The following NCOR2 variants were observed in gnomAD, a reference collection of about 807,000 sequenced individuals.
NCOR2 encodes nuclear receptor corepressor 2.
Under a neutral mutation model 262.9 loss-of-function variants are expected in NCOR2, and 81 were observed. The observed-to-expected ratio is 0.31, with a 90% CI of 0.26 to 0.37. The LOEUF is 0.37. NCOR2 is among the 10% of genes least tolerant of loss of function. The pLI is 1.00. For synonymous variants in NCOR2, 1,659 were observed against 1,559.3 expected (o/e 1.06, Z -1.51); for missense variants, 3,385 against 3,621.4 (o/e 0.93, Z 1.68).
intron 37 of NCOR2, among the ~76,000 whole-genome samples, chr12:124,338,443 GGTTGCA>G (rs2036079866): frequency 6.6e-6 from 1 of 151,328 alleles, no homozygotes; most frequent in Non-Finnish European, 1.5e-5. Context: ...AGGAGGTGGA[GGTTGCA>G]GTAAGCAGAG....
chr12:124,533,127 C>G (rs991817749), intron 1 of NCOR2, among the ~76,000 whole-genome samples: 2 of 150,910 alleles, frequency 1.3e-5, no homozygotes, highest in African/African-American at 4.9e-5. Context: ...AAGACAAAAC[C>G]TGGTTGTGAG....
intron 1 of NCOR2, among the ~76,000 whole-genome samples, chr12:124,554,737 G>A (rs868702024): frequency 1.3e-5 from 2 of 152,258 alleles, no homozygotes; most frequent in Non-Finnish European, 2.9e-5. Context: ...GGGAGGTGCC[G>A]CTGCGGCAAG....
intron 1 of NCOR2, among the ~76,000 whole-genome samples, chr12:124,552,315 T>G (rs901355890): frequency 2.0e-5 from 3 of 151,000 alleles, no homozygotes; most frequent in African/African-American, 4.9e-5. Context: ...CAAGACCCTG[T>G]CTCAAAAAAA....
chr12:124,402,541 C>CTGCTGCTGT (rs1337219923), exon 14 of NCOR2: 2 of 1,570,986 alleles, frequency 1.3e-6, no homozygotes, highest in African/African-American at 2.7e-5. Flanking sequence ...GCTGCTGCTG[C>CTGCTGCTGT]TGCTGCTGTT....
chr12:124,501,972 C>T (rs1242993), intron 1 of NCOR2, among the ~76,000 whole-genome samples: 90,294 of 152,146 alleles, frequency 0.59, 28,636 homozygotes, highest in South Asian at 0.73. Flanking sequence ...GCGCACAAGA[C>T]GCTGCGGAGC....
intron 7 of NCOR2, among the ~76,000 whole-genome samples, chr12:124,439,392 GAGACAGAGGGAGACAGAGACCC>G: frequency 1.3e-5 from 2 of 152,234 alleles, no homozygotes; most frequent in Admixed American, 6.5e-5. Flanking sequence ...CAGAGACCCA[GAGACAGAGGGAGACAGAGACCC>G]AGAGAGAGAG....
In NCOR2 at chr12:124,457,459, G is replaced by A. The variant is rs906836786; in HGVS notation, c.706-297C>T. Among the ~76,000 whole-genome samples the A allele has an allele frequency of 6.6e-6, 1 of 152,124 alleles. No homozygotes were observed. The highest frequency in any genetic ancestry group is 2.4e-5 in the African/African-American group (1 of 41,432). Reference sequence around the variant, plus strand: ...CAGGCGCGCAGGCCTCGCTCCCCCAGGGCCCAGCGACGTGGGCACCGCTCC... The same window carrying A: ...CAGGCGCGCAGGCCTCGCTCCCCCAAGGCCCAGCGACGTGGGCACCGCTCC... On this transcript the variant is annotated intron_variant, in intron 5 of 46. Coordinates refer to ENST00000405201, the Ensembl canonical transcript of NCOR2. The surrounding 1 kb of genome is among the most constrained non-coding windows in gnomAD (Gnocchi z 4.0).
chr12:124,479,628 A>T (rs2136762785), intron 3 of NCOR2, among the ~76,000 whole-genome samples: 1 of 152,370 alleles, frequency 6.6e-6, no homozygotes, highest in Admixed American at 6.5e-5. Flanking sequence ...GCCCCACTTC[A>T]GGGGAGTTGT....
intron 1 of NCOR2, among the ~76,000 whole-genome samples, chr12:124,541,349 A>G (rs993662780): frequency 2.6e-4 from 1 of 3,786 alleles, no homozygotes; most frequent in Non-Finnish European, 4.7e-4. Context: ...GATGGAGGGG[A>G]TGGGAAGTGG....
rs2044761891 is a variant in NCOR2, at chr12:124,440,849, C to T, written c.816-2853G>A. 6.6e-6 allele frequency among the ~76,000 whole-genome samples: 1 copy of T among 152,126 alleles called. No individual in the cohort carries two copies. Among genetic ancestry groups the T allele is most frequent in the South Asian group, 2.1e-4 (1 of 4,824 alleles). On this transcript the variant is annotated intron_variant, in intron 7 of 46. Coordinates refer to ENST00000405201, the Ensembl canonical transcript of NCOR2. This position sits in a 1 kb window ranked among gnomAD's most constrained non-coding sequence, Gnocchi z 5.7. ...CTGGGATCTACGTCATCAGAAGGAC[C>T]CGGCTCTGGGAAGATCCAGAAGGAA... is the stretch of plus-strand genomic sequence containing the variant.
In NCOR2 at chr12:124,482,023, G is replaced by A. The variant is rs185312010; in HGVS notation, c.411+1573C>T. Among the ~76,000 whole-genome samples, 6 of 152,140 alleles carry A rather than the reference G, an allele frequency of 3.9e-5. No homozygotes were observed. The highest frequency in any genetic ancestry group is 4.8e-5 in the African/African-American group (2 of 41,420). On this transcript the variant is annotated intron_variant, in intron 3 of 46. Coordinates refer to ENST00000405201, the Ensembl canonical transcript of NCOR2. This position sits in a 1 kb window ranked among gnomAD's most constrained non-coding sequence, Gnocchi z 6.3. Reference sequence around the variant, plus strand: ...GGATTTGCTGATGGACTGGAAGTACGCAGGAGAGCAGGGAGGTGGCCAGGG... The same window carrying A: ...GGATTTGCTGATGGACTGGAAGTACACAGGAGAGCAGGGAGGTGGCCAGGG...
rs550926299 is a variant in NCOR2, at chr12:124,515,923, C to A, written c.-118+19642G>T. 5.9e-5 allele frequency among the ~76,000 whole-genome samples: 9 copies of A among 152,322 alleles called. No individual in the cohort carries two copies. In the South Asian group the frequency reaches 1.9e-3, roughly 32 times the overall value. On this transcript the variant is annotated intron_variant, in intron 1 of 46. Transcript: ENST00000404621. ...GCTGACTTCTGTTCTGAACCTCACCCAGGACTCTTCTCCACCGGGTAGGAA... is the reference window on the plus strand; with the variant it reads ...GCTGACTTCTGTTCTGAACCTCACCAAGGACTCTTCTCCACCGGGTAGGAA...
At chr12:124,480,566 G>T (rs2047396741) in intron 3 of NCOR2, among the ~76,000 whole-genome samples, 1 of 152,156 alleles carries the variant, frequency 6.6e-6, no homozygotes, top group African/African-American at 2.4e-5. Context: ...TGCTTAATCT[G>T]TGCACATCCT....
intron 22 of NCOR2, 30 bp from the exon 25 acceptor site, chr12:124,356,812 G>A: frequency 6.9e-7 from 1 of 1,444,308 alleles, no homozygotes; most frequent in Non-Finnish European, 9.1e-7. Flanking sequence ...CTCTGCTGAG[G>A]GCAGGAGGTG....
rs776501885 is a variant in NCOR2 at position 124,461,639 on chromosome 12, A to G, written c.706-4477T>C. ...CACATCAAGGCGCACGCACATACAC[A>G]TGTGCACCCAAGTGAACACATGATG... On this transcript the variant is annotated intron_variant, in intron 5 of 46. Transcript: ENST00000405201. 2.6e-5 allele frequency among the ~76,000 whole-genome samples: 4 copies of G among 152,204 alleles called. No homozygotes were observed. In the South Asian group the frequency reaches 6.2e-4, roughly 24 times the overall value.
chr12:124,498,163 G>A (rs915284054), upstream of NCOR2, among the ~76,000 whole-genome samples: 2 of 152,200 alleles, frequency 1.3e-5, no homozygotes, highest in African/African-American at 4.8e-5. Flanking sequence ...ATTGCTATTG[G>A]ATTTTGAGTT....
In NCOR2 at chr12:124,547,591, C is replaced by T. The variant is rs375620049; in HGVS notation, c.-164-11980G>A. The stretch of plus-strand genomic sequence containing the variant: ...TAGGACATTCCCAGTGCTGTGCGAC[C>T]ATCACCTCTATCTAATTCCAAAACA... On this transcript the variant is annotated intron_variant, in intron 1 of 32. Coordinates refer to the NCOR2 transcript ENST00000458234. 2.0e-5 allele frequency among the ~76,000 whole-genome samples: 3 copies of T among 152,192 alleles called. No homozygotes were observed. In the South Asian group the frequency reaches 6.2e-4, roughly 31 times the overall value.
At chr12:124,477,954 G>C (rs1565979794) in intron 3 of NCOR2, among the ~76,000 whole-genome samples, 1 of 152,228 alleles carries the variant, frequency 6.6e-6, no homozygotes. Flanking sequence ...CCCTGTGCCA[G>C]CTCCAGGAAA....
chr12:124,326,269 A>G, exon 46 of NCOR2: 1 of 1,562,340 alleles, frequency 6.4e-7, no homozygotes, highest in African/African-American at 1.4e-5. Context: ...GAGTGCACTG[A>G]GGAGACAGAG....
Sources: gnomAD v4.1 joint callset for allele counts (sites outside exome capture counted in the v4.1 genomes callset) on GRCh38, gnomAD v4.1.1 for gene constraint, Gnocchi (gnomAD v3.1) non-coding constraint, MANE v1.5 for transcripts, NCBI Gene and HGNC (gene_info 2026-07-23, HGNC 2026-07-21) for gene names.